The following ZZEF1 variants were observed in gnomAD, a reference collection of about 807,000 sequenced individuals.
The protein encoded by ZZEF1 is zinc finger ZZ-type and EF-hand domain containing 1, also known as zinc finger ZZ-type and EF-hand domain-containing protein 1.
In ZZEF1, 157 loss-of-function variants were observed where a neutral mutation model predicts 342.8. The observed-to-expected ratio is 0.46, with a 90% CI of 0.40 to 0.52. ZZEF1 has a LOEUF of 0.52. Ranked by LOEUF, ZZEF1 falls within the 20% of genes least tolerant of loss-of-function variation. The pLI is 0.00. For synonymous variants in ZZEF1, 1,505 were observed against 1,429.1 expected, an observed-to-expected ratio of 1.05 and a Z score of -1.20; for missense variants, 3,480 against 3,725.6, an observed-to-expected ratio of 0.93 and a Z score of 1.72.
intron 43 of ZZEF1, among the ~76,000 whole-genome samples, chr17:4,023,255 A>C (rs189724380): frequency 2.6e-5 from 4 of 152,258 alleles, no homozygotes; most frequent in African/African-American, 9.6e-5. Context: ...ACTAGAGAAA[A>C]AGGCTTTTTT....
chr17:4,102,187 C>G, intron 9 of ZZEF1, 130 bp downstream of exon 9: 1 of 731,350 alleles, frequency 1.4e-6, no homozygotes, highest in South Asian at 1.8e-5. Context: ...GCTCAGCAAC[C>G]ACTGCCAACT....
At chr17:4,071,700 G>A (rs1489676365) in intron 25 of ZZEF1, among the ~76,000 whole-genome samples, 1 of 152,146 alleles carries the variant, frequency 6.6e-6, no homozygotes, top group Non-Finnish European at 1.5e-5. Flanking sequence ...TTCAGGCCTG[G>A]GGAACACTGA....
intron 6 of ZZEF1, among the ~76,000 whole-genome samples, chr17:4,108,654 T>C (rs2058249710): frequency 1.3e-5 from 2 of 152,154 alleles, no homozygotes; most frequent in African/African-American, 4.8e-5. Context: ...TTACAGGAAA[T>C]ACACACTAAA....
chr17:4,031,000 G>A (rs1477935234), intron 42 of ZZEF1, among the ~76,000 whole-genome samples: 12 of 151,492 alleles, frequency 7.9e-5, no homozygotes, highest in African/African-American at 2.2e-4. Context: ...CCAGCATGGT[G>A]AAACCCCATC....
At chr17:4,062,970 G>A in intron 29 of ZZEF1, 53 bp from the exon 30 acceptor site, 1 of 1,550,602 alleles carries the variant, frequency 6.4e-7, no homozygotes, top group African/African-American at 1.4e-5. Context: ...AGCTGGGGCA[G>A]ACGGAAAATA....
Position 4,088,663 on chromosome 17 carries a change from C to T in ZZEF1, c.2241+15G>A. On this transcript the variant is annotated intron_variant, in intron 13 of 54. Coordinates refer to ENST00000381638, the MANE Select transcript of ZZEF1 (RefSeq NM_015113.4). ...TTCCTAAAGGAATGCCGTCTAACAACTGAGGAAGCCCTACCAGGTCATGGG... is the reference window on the plus strand; with the variant it reads ...TTCCTAAAGGAATGCCGTCTAACAATTGAGGAAGCCCTACCAGGTCATGGG... 6.2e-7 allele frequency: 1 copy of T among 1,612,570 alleles called. No individual in the cohort carries two copies. Among genetic ancestry groups the T allele is most frequent in the Non-Finnish European group, 8.5e-7 (1 of 1,179,700 alleles).
chr17:4,034,103 G>C lies in ZZEF1; in HGVS notation c.6496C>G (p.Leu2166Val), dbSNP rs1332390993. 3 of 1,614,232 alleles carry C rather than the reference G, an allele frequency of 1.9e-6. No homozygotes were observed. In the Admixed American group the frequency reaches 5.0e-5, roughly 27 times the overall value. ...ATGGAACTGTCCCCTGCAGCAAACAGGTTGTGTTTGGCTGAGAGGACTTTG... is the reference window on the plus strand; with the variant it reads ...ATGGAACTGTCCCCTGCAGCAAACACGTTGTGTTTGGCTGAGAGGACTTTG... ...VIKVLSAKHNLFAAGDSSIVP... is the reference protein window; with the variant it reads ...VIKVLSAKHNVFAAGDSSIVP... Residue 2166 changes from leucine to valine, a missense_variant, in exon 40 of 55, where the codon CTG (leucine) becomes GTG (valine). This residue lies in a region of ZZEF1 where 1,269 missense variants were observed against 1,342.4 expected (regional missense o/e 0.95). Coordinates refer to ENST00000381638, the MANE Select transcript of ZZEF1 (RefSeq NM_015113.4).
intron 39 of ZZEF1, among the ~76,000 whole-genome samples, chr17:4,038,824 C>CA: frequency 6.6e-6 from 1 of 151,936 alleles, no homozygotes; most frequent in Admixed American, 6.6e-5. Flanking sequence ...AACAAACAAA[C>CA]AAACAAACAA....
rs546917566 is a variant in ZZEF1 at position 4,025,133 on chromosome 17, C to T, written c.6893-15G>A. ...GTAGTCCTTCACTGAAGGGTGACAT[C>T]AGGCAGAAAAAGAAAGGCACAAAAG... On this transcript the variant is annotated splice_polypyrimidine_tract_variant and intron_variant, in intron 42 of 54. Transcript: ENST00000381638. The T allele has an allele frequency of 3.2e-5, 51 of 1,613,210 alleles. No homozygotes were observed. Among genetic ancestry groups the T allele is most frequent in the Non-Finnish European group, 4.1e-5 (48 of 1,179,668 alleles).
chr17:4,010,879 C>A (rs1016303778), intron 52 of ZZEF1, among the ~76,000 whole-genome samples: 1 of 152,034 alleles, frequency 6.6e-6, no homozygotes, highest in Non-Finnish European at 1.5e-5. Flanking sequence ...CAGCAGTTGA[C>A]CCTATCAGCT....
At chr17:4,110,999 C>G (rs1235118897) in intron 5 of ZZEF1, among the ~76,000 whole-genome samples, 1 of 152,184 alleles carries the variant, frequency 6.6e-6, no homozygotes, top group East Asian at 1.9e-4. Flanking sequence ...AGGTGTGAGC[C>G]ACTGCACCCA....
intron 39 of ZZEF1, among the ~76,000 whole-genome samples, chr17:4,040,788 C>T (rs1897965677): frequency 6.6e-6 from 1 of 152,034 alleles, no homozygotes; most frequent in African/African-American, 2.4e-5. Flanking sequence ...GCTGGCTGGC[C>T]GTAACACACA....
At position 4,105,778 on chromosome 17, in the gene ZZEF1, G is replaced by T. The variant is rs1202519266; in HGVS notation, c.1309C>A (p.Leu437Ile). The T allele has an allele frequency of 1.2e-6, 2 of 1,613,210 alleles. No individual in the cohort carries two copies. The highest frequency in any genetic ancestry group is 3.3e-5 in the Admixed American group (2 of 59,766). ...KALRHMPPLS[L>I]SPGSTDFSTF... ...GAGAAATCTGTAGATCCTGGTGAGA[G>T]AGAGAGTGGAGGCATGTGCCGCAGC... The change falls in exon 7 of 55, where the codon CTC (leucine) becomes ATC (isoleucine). Residue 437 changes from leucine to isoleucine, a missense_variant. This residue lies in a region of ZZEF1 where 1,528 missense variants were observed against 1,624.1 expected (regional missense o/e 0.94). Transcript: ENST00000381638.
Position 4,026,756 on chromosome 17 carries a change from G to A in ZZEF1, c.6893-1638C>T, listed in dbSNP as rs142998965. On this transcript the variant is annotated intron_variant, in intron 42 of 54. Coordinates refer to ENST00000381638, the MANE Select transcript of ZZEF1 (RefSeq NM_015113.4). ...GCTGGTCTCAAACTCCTGACCTCAG[G>A]TTATCGGCCTGCCTCAGCCTCCCAA... Among the ~76,000 whole-genome samples the A allele has an allele frequency of 3.9e-3, 596 of 152,148 alleles. 23 individuals carry two copies. In the East Asian group the frequency reaches 0.077, roughly 20 times the overall value.
chr17:4,118,943 G>C (rs1236044961), intron 2 of ZZEF1, among the ~76,000 whole-genome samples: 1 of 152,184 alleles, frequency 6.6e-6, no homozygotes, highest in African/African-American at 2.4e-5. Context: ...TCATGTACCA[G>C]TGTGATATCT....
At chr17:4,124,202 T>C (rs2145555450) in intron 1 of ZZEF1, 151 bp from the exon 2 acceptor site, 1 of 1,006,608 alleles carries the variant, frequency 9.9e-7, no homozygotes, top group Non-Finnish European at 1.4e-6. Flanking sequence ...AAGATAAATT[T>C]AGAACAGGAA....
rs2056137715 is a variant in ZZEF1, at chr17:4,017,478, T to C, written c.7894A>G (p.Ser2632Gly). The C allele has an allele frequency of 6.2e-7, 1 of 1,614,150 alleles. No individual in the cohort carries two copies. Among genetic ancestry groups the C allele is most frequent in the African/African-American group, 1.3e-5 (1 of 74,952 alleles). Residue 2632 changes from serine to glycine, a missense_variant, in exon 48 of 55, where the codon AGC becomes GGC. By Grantham distance (56) the Ser-to-Gly change is moderately conservative. Transcript: ENST00000381638. This position sits in a 1 kb window ranked among gnomAD's most constrained non-coding sequence, Gnocchi z 5.1. Reference sequence around the variant, plus strand: ...ATGTCCTCGCTCACTGGCACGTGGCTAGGCCACTCGGCGAGCAGGGATGCA... The same window carrying C: ...ATGTCCTCGCTCACTGGCACGTGGCCAGGCCACTCGGCGAGCAGGGATGCA... ...VLASLLAEWP[S>G]HVPVSEDILE...
At chr17:4,099,245 C>T (rs573918779) in intron 9 of ZZEF1, among the ~76,000 whole-genome samples, 3 of 152,006 alleles carry the variant, frequency 2.0e-5, no homozygotes, top group African/African-American at 7.2e-5. Context: ...GTTTTTTAGA[C>T]ACAGGGTCTC....
At chr17:4,105,924 C>T in intron 6 of ZZEF1, 115 bp from the exon 7 acceptor site, 2 of 778,642 alleles carry the variant, frequency 2.6e-6, no homozygotes, top group Non-Finnish European at 4.1e-6. Flanking sequence ...AGTGTTCCCA[C>T]AGAGAAGCTG....
Sources: allele counts gnomAD v4.1 joint callset (sites outside exome capture counted in the v4.1 genomes callset), GRCh38; gene constraint gnomAD v4.1.1; regional missense constraint gnomAD v4.1.1; non-coding constraint Gnocchi (gnomAD v3.1); transcripts MANE v1.5; gene names NCBI Gene and HGNC (gene_info 2026-07-23, HGNC 2026-07-21).